Variants in PPARGC1A observed in about 807,000 individuals in gnomAD.
PPARGC1A encodes the protein PPARG coactivator 1 alpha, also known as peroxisome proliferator-activated receptor gamma coactivator 1-alpha.
PPARGC1A carries 25 observed loss-of-function variants against 88.7 expected under a neutral mutation model. The ratio of observed to expected loss-of-function variants is 0.28; its 90% confidence interval spans 0.21 to 0.39. The LOEUF (loss-of-function observed/expected upper bound fraction) is 0.39, where lower values mean the gene tolerates loss of function less well. PPARGC1A is among the 10% of genes least tolerant of loss of function. PPARGC1A has a pLI of 1.00. For missense variants in PPARGC1A, 880 were observed against 968.7 expected (o/e 0.91, Z 1.22); for synonymous variants, 363 against 355.6 (o/e 1.02, Z -0.24).
intron 7 of PPARGC1A, among the ~76,000 whole-genome samples, chr4:23,817,027 C>T (rs1722111325): frequency 6.6e-6 from 1 of 152,156 alleles, no homozygotes; most frequent in Non-Finnish European, 1.5e-5. Context: ...TCACAGGCCA[C>T]ATCTGAGAAC....
the PPARGC1A span, among the ~76,000 whole-genome samples, chr4:24,093,356 T>G: frequency 3.9e-5 from 6 of 152,250 alleles, no homozygotes; most frequent in Non-Finnish European, 8.8e-5. Flanking sequence ...TATAGGAACA[T>G]GCTTTGTAGG....
At chr4:24,460,808 G>A in the PPARGC1A span, among the ~76,000 whole-genome samples, 7 of 152,186 alleles carry the variant, frequency 4.6e-5, no homozygotes, top group South Asian at 2.1e-4. Flanking sequence ...TCTCCAGCTC[G>A]AGTGGCTAAT....
At chr4:24,151,895 A>G in the PPARGC1A span, among the ~76,000 whole-genome samples, 24 of 152,234 alleles carry the variant, frequency 1.6e-4, no homozygotes, top group African/African-American at 5.1e-4. Flanking sequence ...ATTGAATAGT[A>G]GTTGAAATAA....
the PPARGC1A span, among the ~76,000 whole-genome samples, chr4:24,397,120 TAAA>T: frequency 6.6e-6 from 1 of 152,160 alleles, no homozygotes; most frequent in African/African-American, 2.4e-5. Flanking sequence ...AAATGGCTAA[TAAA>T]TTATAGAATA....
the PPARGC1A span, among the ~76,000 whole-genome samples, chr4:24,361,051 C>T: frequency 6.6e-6 from 1 of 152,038 alleles, no homozygotes; most frequent in East Asian, 1.9e-4. Context: ...GAGGAGATAA[C>T]GAGGCAAGGG....
the PPARGC1A span, among the ~76,000 whole-genome samples, chr4:24,019,087 A>T: frequency 6.6e-6 from 1 of 152,154 alleles, no homozygotes; most frequent in African/African-American, 2.4e-5. Context: ...ACTAAATATC[A>T]TCCACATGGT....
At chr4:24,191,183 C>T in the PPARGC1A span, among the ~76,000 whole-genome samples, 4 of 152,162 alleles carry the variant, frequency 2.6e-5, no homozygotes, top group African/African-American at 9.7e-5. Context: ...TATGTATTCT[C>T]GGAGCAGAAA....
At chr4:23,816,381 A>T (rs150016413) in intron 7 of PPARGC1A, among the ~76,000 whole-genome samples, 1 of 152,194 alleles carries the variant, frequency 6.6e-6, no homozygotes, top group African/African-American at 2.4e-5. Context: ...TCTCTCATAG[A>T]TAAGTATGTC....
At chr4:23,920,826 G>C in the PPARGC1A span, among the ~76,000 whole-genome samples, 4 of 152,210 alleles carry the variant, frequency 2.6e-5, no homozygotes, top group Non-Finnish European at 5.9e-5. Flanking sequence ...GACAGACTCA[G>C]GTTCCTATTT....
chr4:24,118,491 T>C, the PPARGC1A span, among the ~76,000 whole-genome samples: 1 of 152,012 alleles, frequency 6.6e-6, no homozygotes, highest in South Asian at 2.1e-4. Context: ...AGAATGTCAT[T>C]TTTGTCTAAT....
the PPARGC1A span, among the ~76,000 whole-genome samples, chr4:24,259,498 C>T: frequency 6.6e-6 from 1 of 152,196 alleles, no homozygotes; most frequent in Non-Finnish European, 1.5e-5. Flanking sequence ...CAACCAACCA[C>T]ATATATGAGG....
the PPARGC1A span, among the ~76,000 whole-genome samples, chr4:24,233,091 C>G: frequency 6.9e-6 from 1 of 144,818 alleles, no homozygotes; most frequent in African/African-American, 2.5e-5. Flanking sequence ...CCCCTTTCTT[C>G]TTAAGGAAAG....
chr4:24,164,957 G>C, the PPARGC1A span, among the ~76,000 whole-genome samples: 1 of 152,084 alleles, frequency 6.6e-6, no homozygotes, highest in East Asian at 1.9e-4. Flanking sequence ...GTGTGGGAGA[G>C]GAGCCTGCTG....
chr4:24,305,832 G>C, the PPARGC1A span, among the ~76,000 whole-genome samples: 42 of 151,986 alleles, frequency 2.8e-4, no homozygotes, highest in Non-Finnish European at 1.3e-4. Context: ...TTAAAAAGAG[G>C]GTGGCCATTA....
chr4:23,910,688 T>A, the PPARGC1A span, among the ~76,000 whole-genome samples: 2 of 151,566 alleles, frequency 1.3e-5, no homozygotes, highest in East Asian at 3.9e-4. Flanking sequence ...TCCACCTGCC[T>A]CAGCCTCCCA....
chr4:24,226,054 G>A, the PPARGC1A span, among the ~76,000 whole-genome samples: 252 of 152,198 alleles, frequency 1.7e-3, no homozygotes, highest in African/African-American at 4.7e-3. Context: ...CTGTTTCCAC[G>A]CGCTCACATT....
chr4:24,112,543 T>G, the PPARGC1A span, among the ~76,000 whole-genome samples: 2 of 152,216 alleles, frequency 1.3e-5, no homozygotes, highest in Non-Finnish European at 2.9e-5. Context: ...TAGGAGTTAT[T>G]TATGTCATTT....
At chr4:24,036,557 TAAA>T in the PPARGC1A span, among the ~76,000 whole-genome samples, 1 of 150,582 alleles carries the variant, frequency 6.6e-6, no homozygotes, top group Admixed American at 6.6e-5. Flanking sequence ...TACATGGCAA[TAAA>T]AATAGTGAAT....
At chr4:24,070,284 C>T in the PPARGC1A span, among the ~76,000 whole-genome samples, 1 of 152,118 alleles carries the variant, frequency 6.6e-6, no homozygotes, top group Non-Finnish European at 1.5e-5. Context: ...AAGTTCCCAC[C>T]AGTATACATC....
Sources: allele counts gnomAD v4.1 joint callset (sites outside exome capture counted in the v4.1 genomes callset), GRCh38; gene constraint gnomAD v4.1.1; transcripts MANE v1.5; gene names NCBI Gene and HGNC (gene_info 2026-07-23, HGNC 2026-07-21).